Variants in PKP4 observed in about 807,000 individuals in gnomAD.
PKP4 encodes the protein plakophilin-4.
In PKP4, 90 loss-of-function variants were observed where a neutral mutation model predicts 145.1. The ratio of observed to expected loss-of-function variants is 0.62; its 90% CI spans 0.52 to 0.74. PKP4 has a LOEUF of 0.74. Among genes scored for constraint, PKP4 ranks in the 30% least tolerant of loss-of-function variants. The probability of loss-of-function intolerance (pLI) is 0.00; values close to 1 mark genes in which losing one functional copy is unlikely to be tolerated. For synonymous variants in PKP4, 563 were observed against 577.2 expected, an observed-to-expected ratio of 0.98 and a Z score of 0.35; for missense variants, 1,340 against 1,482.7, an observed-to-expected ratio of 0.90 and a Z score of 1.58.
intron 13 of PKP4, 199 bp downstream of exon 13, chr2:158,661,649 G>C (rs961952217): frequency 4.8e-5 from 22 of 461,964 alleles, no homozygotes; most frequent in Non-Finnish European, 8.4e-5. Flanking sequence ...AGAACCGTGA[G>C]AACAGAGTGG....
At chr2:158,646,729 G>A (rs2054862969) in intron 11 of PKP4, among the ~76,000 whole-genome samples, 1 of 152,224 alleles carries the variant, frequency 6.6e-6, no homozygotes, top group Middle Eastern at 3.4e-3. Flanking sequence ...TGTAGCACAG[G>A]GTTGGGGGAG....
At chr2:158,463,823 T>C (rs1273671915) in intron 1 of PKP4, among the ~76,000 whole-genome samples, 1 of 152,224 alleles carries the variant, frequency 6.6e-6, no homozygotes, top group Non-Finnish European at 1.5e-5. Flanking sequence ...TCTCAGCTCC[T>C]GAAAATATGT....
chr2:158,482,719 C>G (rs1184926826), intron 1 of PKP4, among the ~76,000 whole-genome samples: 1 of 151,856 alleles, frequency 6.6e-6, no homozygotes, highest in African/African-American at 2.4e-5. Context: ...GCCTGTAGTT[C>G]CAGCTATGCA....
At chr2:158,464,359 A>G (rs1358045489) in intron 1 of PKP4, among the ~76,000 whole-genome samples, 5 of 152,342 alleles carry the variant, frequency 3.3e-5, no homozygotes, top group Middle Eastern at 3.4e-3. Flanking sequence ...ATTGTGGCAG[A>G]TTTCATGAGG....
intron 7 of PKP4, 66 bp from the exon 8 acceptor site, chr2:158,631,687 G>A (rs1459844352): frequency 8.2e-6 from 11 of 1,342,492 alleles, no homozygotes; most frequent in African/African-American, 1.4e-5. Context: ...AATTTAATTA[G>A]GGTTTATGTT....
intron 9 of PKP4, among the ~76,000 whole-genome samples, chr2:158,639,741 A>T (rs1423099728): frequency 6.6e-6 from 1 of 152,180 alleles, no homozygotes; most frequent in Non-Finnish European, 1.5e-5. Flanking sequence ...AAGTATATAT[A>T]CATAGCATGA....
Position 158,631,913 on chromosome 2 carries a change from G to A in PKP4, c.1314G>A (p.Ser438=), listed in dbSNP as rs370694709. 3.5e-5 allele frequency: 57 copies of A among 1,613,972 alleles called. No homozygotes were observed. Among genetic ancestry groups the A allele is most frequent in the African/African-American group, 3.2e-4 (24 of 75,036 alleles). ...ATGGAACTGTGGAGCTCCAAGGATC[G>A]CAGACGGCGTTGTATCGCACAGGTT... The part of the protein sequence containing the change: ...PNHGTVELQG[S]QTALYRTGSV... Residue 438 remains serine, a synonymous_variant, in exon 8 of 22, where the codon TCG becomes TCA. Transcript: ENST00000389759.
chr2:158,618,735 T>C (rs1048645072), intron 4 of PKP4, among the ~76,000 whole-genome samples: 31 of 148,454 alleles, frequency 2.1e-4, no homozygotes, highest in African/African-American at 7.6e-4. Context: ...TCTTTTTCTG[T>C]TTTTTTTTTA....
chr2:158,583,870 AT>A (rs199514297), intron 3 of PKP4, among the ~76,000 whole-genome samples: 1 of 150,436 alleles, frequency 6.6e-6, no homozygotes, highest in Admixed American at 6.6e-5. Flanking sequence ...ATATTTTCTG[AT>A]TTTTTTTAAT....
At chr2:158,481,874 C>G (rs1344988011) in intron 1 of PKP4, among the ~76,000 whole-genome samples, 1 of 152,180 alleles carries the variant, frequency 6.6e-6, no homozygotes, top group African/African-American at 2.4e-5. Flanking sequence ...CTGGTTTATA[C>G]AGGTGAACAG....
chr2:158,677,523 A>G (rs920291593), intron 20 of PKP4, among the ~76,000 whole-genome samples: 4 of 152,230 alleles, frequency 2.6e-5, no homozygotes, highest in Non-Finnish European at 5.9e-5. Context: ...TCTGGCGATT[A>G]TAACTACTTT....
intron 11 of PKP4, among the ~76,000 whole-genome samples, chr2:158,650,564 G>C (rs1387072784): frequency 6.6e-6 from 1 of 152,154 alleles, no homozygotes; most frequent in Non-Finnish European, 1.5e-5. Context: ...AATTTCAGCA[G>C]CAGGAATGGT....
chr2:158,646,438 G>A (rs1157114179), intron 11 of PKP4, among the ~76,000 whole-genome samples: 1 of 152,142 alleles, frequency 6.6e-6, no homozygotes, highest in African/African-American at 2.4e-5. Context: ...CCTAAACATT[G>A]TCTAACTAAC....
chr2:158,542,981 T>G (rs959553480), intron 2 of PKP4, among the ~76,000 whole-genome samples: 2 of 152,176 alleles, frequency 1.3e-5, no homozygotes, highest in African/African-American at 2.4e-5. Context: ...ATTCTATAAG[T>G]GGTAGATTTT....
intron 1 of PKP4, among the ~76,000 whole-genome samples, chr2:158,468,746 T>C (rs1040718124): frequency 4.7e-5 from 7 of 150,172 alleles, no homozygotes; most frequent in African/African-American, 1.2e-4. Flanking sequence ...GAAAAGAAAT[T>C]AGACATTTTC....
chr2:158,525,797 G>A (rs923905939), intron 1 of PKP4, among the ~76,000 whole-genome samples: 2 of 143,502 alleles, frequency 1.4e-5, no homozygotes, highest in Non-Finnish European at 3.0e-5. Flanking sequence ...AATGATAAAG[G>A]GGATATCACC....
chr2:158,544,383 C>T (rs746249687), intron 2 of PKP4, among the ~76,000 whole-genome samples: 11 of 152,172 alleles, frequency 7.2e-5, no homozygotes, highest in Non-Finnish European at 1.6e-4. Flanking sequence ...AGTAAAAATA[C>T]ACTTATTTCC....
At position 158,534,718 on chromosome 2, in the gene PKP4, A is replaced by G. The variant is rs144482687; in HGVS notation, c.132+1402A>G. Among the ~76,000 whole-genome samples the G allele has an allele frequency of 6.3e-4, 96 of 152,320 alleles. 1 individual carries two copies. The Middle Eastern group carries it at 0.02, about 32-fold the overall frequency. On this transcript the variant is annotated intron_variant, in intron 2 of 21. Coordinates refer to ENST00000389759, the MANE Select transcript of PKP4 (RefSeq NM_003628.6). Reference sequence around the variant, plus strand: ...CATAGCAATGGGAATGTCTGTTTGTACCTTGAGACCATATACCCTACATGT... The same window carrying G: ...CATAGCAATGGGAATGTCTGTTTGTGCCTTGAGACCATATACCCTACATGT...
rs765478498 is a variant in PKP4, at chr2:158,634,089, A to G, written c.1362A>G (p.Gln454=). Residue 454 remains glutamine (Q), a synonymous_variant, in exon 9 of 22, where the codon CAA becomes CAG. Coordinates refer to ENST00000389759, the MANE Select transcript of PKP4 (RefSeq NM_003628.6). ...TTCTAGTAGGTATTGGAAATCTACA[A>G]AGGACATCCAGCCAACGAAGTACCC... ...RTGSVGIGNL[Q]RTSSQRSTLT... 4.3e-6 allele frequency: 7 copies of G among 1,609,968 alleles called. No homozygotes were observed. The highest frequency in any genetic ancestry group is 1.3e-5 in the African/African-American group (1 of 74,992).
Sources: allele counts gnomAD v4.1 joint callset (sites outside exome capture counted in the v4.1 genomes callset), GRCh38; gene constraint gnomAD v4.1.1; transcripts MANE v1.5; gene names NCBI Gene and HGNC (gene_info 2026-07-23, HGNC 2026-07-21).